The following CXADR variants were observed in gnomAD, a reference collection of about 807,000 sequenced individuals.
CXADR encodes coxsackievirus and adenovirus receptor.
CXADR carries 20 observed loss-of-function variants against 40.3 expected under a neutral mutation model. That is an observed-to-expected ratio of 0.50 (90% CI 0.35 to 0.72). The LOEUF (loss-of-function observed/expected upper bound fraction) is 0.72. Among genes scored for constraint, CXADR ranks in the 30% least tolerant of loss-of-function variants. CXADR has a pLI of 0.01. For missense variants in CXADR, 332 were observed against 449.1 expected (o/e 0.74, Z 2.36); for synonymous variants, 150 against 161.3 (o/e 0.93, Z 0.53).
At chr21:17,516,952 GAA>G (rs145427962) in intron 1 of CXADR, among the ~76,000 whole-genome samples, 1 of 150,886 alleles carries the variant, frequency 6.6e-6, no homozygotes, top group Non-Finnish European at 1.5e-5. Flanking sequence ...ATGAAAAATA[GAA>G]AAAAAACAGA....
the CXADR span, among the ~76,000 whole-genome samples, chr21:17,601,658 A>G: frequency 6.6e-6 from 1 of 152,236 alleles, no homozygotes; most frequent in Non-Finnish European, 1.5e-5. Context: ...TGTCCCCTCC[A>G]CAGTTGGAAG....
chr21:17,535,944 G>T (rs1199057624), intron 1 of CXADR, among the ~76,000 whole-genome samples: 1 of 152,170 alleles, frequency 6.6e-6, no homozygotes, highest in African/African-American at 2.4e-5. Context: ...GCAGGTGGAG[G>T]CTGCAGTGAG....
downstream of CXADR, among the ~76,000 whole-genome samples, chr21:17,595,514 A>G (rs796101851): frequency 3.9e-5 from 6 of 152,126 alleles, no homozygotes; most frequent in East Asian, 1.9e-4. Flanking sequence ...TTAAAAATAT[A>G]TATGTATACT....
At chr21:17,634,995 C>T in the CXADR span, among the ~76,000 whole-genome samples, 5 of 152,228 alleles carry the variant, frequency 3.3e-5, no homozygotes, top group Non-Finnish European at 7.4e-5. Context: ...GGACATAATC[C>T]CATGGTACTG....
rs999092635 is a variant in CXADR at position 17,566,591 on chromosome 21, G to A, written c.*899G>A. 1 of 981,512 alleles carries A rather than the reference G, an allele frequency of 1.0e-6. No individual in the cohort carries two copies. Among genetic ancestry groups the A allele is most frequent in the Non-Finnish European group, 1.2e-6 (1 of 826,554 alleles). The allele number at this position is 981,512 out of a possible 1,614,324, so 60.8% of individuals were successfully genotyped here. A position where few individuals can be genotyped will look rare whatever the true frequency, so the allele number is the denominator to read the frequency against. ...AGAAAAATATTATAACTCATTTGTT[G>A]TTTGACACTTATAGATTGAAATTTC... On this transcript the variant is annotated 3_prime_UTR_variant, in exon 7 of 7. Coordinates refer to ENST00000284878, the MANE Select transcript of CXADR (RefSeq NM_001338.5).
intron 1 of CXADR, among the ~76,000 whole-genome samples, chr21:17,545,998 C>T (rs9974774): frequency 1.3e-5 from 2 of 152,124 alleles, no homozygotes; most frequent in Admixed American, 6.5e-5. Context: ...AGGCTGGTCT[C>T]GAACTCCTGA....
intron 1 of CXADR, among the ~76,000 whole-genome samples, chr21:17,545,072 GTTTTT>G (rs869189508): frequency 0.23 from 12,688 of 55,828 alleles, 714 homozygotes; most frequent in East Asian, 0.32. Flanking sequence ...GCTCTAATGT[GTTTTT>G]TTTTTTTTTT....
Position 17,568,755 on chromosome 21 carries a change from A to C in CXADR, c.*3063A>C, listed in dbSNP as rs1431789006. 2.0e-6 allele frequency: 2 copies of C among 985,120 alleles called. No homozygotes were observed. The highest frequency in any genetic ancestry group is 2.4e-6 in the Non-Finnish European group (2 of 829,910). 61.0% of individuals were successfully genotyped at this position (985,120 alleles called of 1,614,324 possible). A position where few individuals can be genotyped will look rare whatever the true frequency, so the allele number is the denominator to read the frequency against. ...TTTTTTCTTACTGGTAATCTTAACT[A>C]ATATGATTCCCTTGTTAGAGAGCCT... On this transcript the variant is annotated 3_prime_UTR_variant, in exon 7 of 7. Transcript: ENST00000284878.
At chr21:17,615,066 A>C in the CXADR span, among the ~76,000 whole-genome samples, 1 of 152,090 alleles carries the variant, frequency 6.6e-6, no homozygotes, top group African/African-American at 2.4e-5. Flanking sequence ...TAAATCCCCA[A>C]TGTGATGGTA....
chr21:17,585,491 A>G (rs576116234), intron 7 of CXADR, among the ~76,000 whole-genome samples: 8 of 152,084 alleles, frequency 5.3e-5, no homozygotes, highest in South Asian at 2.1e-4. Context: ...TTCGATTCCA[A>G]TGATCTGTCT....
intron 2 of CXADR, 102 bp downstream of exon 2, chr21:17,547,295 A>G: frequency 1.3e-6 from 2 of 1,509,804 alleles, no homozygotes; most frequent in Non-Finnish European, 1.8e-6. Context: ...GGAGCTAGGA[A>G]GGAAGCCCCC....
downstream of CXADR, among the ~76,000 whole-genome samples, chr21:17,596,908 A>G (rs1431318420): frequency 6.6e-6 from 1 of 152,086 alleles, no homozygotes; most frequent in East Asian, 1.9e-4. Context: ...CTTTTAGAAA[A>G]CAGTAGAGAA....
At chr21:17,533,927 C>A (rs1320779355) in intron 1 of CXADR, among the ~76,000 whole-genome samples, 1 of 149,598 alleles carries the variant, frequency 6.7e-6, no homozygotes, top group African/African-American at 2.5e-5. Context: ...GAGTAACACT[C>A]GTGGGAATTA....
At chr21:17,631,499 G>A in the CXADR span, among the ~76,000 whole-genome samples, 2 of 152,152 alleles carry the variant, frequency 1.3e-5, no homozygotes, top group South Asian at 4.1e-4. Context: ...ACTCACAGAT[G>A]TCAACTTGTA....
downstream of CXADR, chr21:17,593,997 CT>C: frequency 2.1e-6 from 3 of 1,428,346 alleles, no homozygotes; most frequent in Non-Finnish European, 2.8e-6. Flanking sequence ...GCCCATCTAA[CT>C]TCACTACTAT....
intron 2 of CXADR, among the ~76,000 whole-genome samples, chr21:17,551,333 G>A (rs892656911): frequency 7.3e-5 from 11 of 151,390 alleles, no homozygotes; most frequent in South Asian, 4.2e-4. Flanking sequence ...CCGGGAGGTG[G>A]AGGGAGCCGA....
intron 1 of CXADR, among the ~76,000 whole-genome samples, chr21:17,529,612 C>T (rs530122332): frequency 6.6e-6 from 1 of 152,318 alleles, no homozygotes; most frequent in South Asian, 2.1e-4. Context: ...TGAGCCACTG[C>T]GCCCGGCCGC....
the CXADR span, among the ~76,000 whole-genome samples, chr21:17,607,449 G>A: frequency 2.0e-5 from 3 of 152,192 alleles, no homozygotes; most frequent in Admixed American, 6.5e-5. Flanking sequence ...CTGTGTTAGC[G>A]TGCACATTTC....
intron 7 of CXADR, among the ~76,000 whole-genome samples, chr21:17,585,548 T>C (rs1215110561): frequency 6.6e-6 from 1 of 152,166 alleles, no homozygotes; most frequent in African/African-American, 2.4e-5. Context: ...AGACCGAGTC[T>C]CGCTCTGTCG....
Sources: allele counts gnomAD v4.1 joint callset (sites outside exome capture counted in the v4.1 genomes callset), GRCh38; gene constraint gnomAD v4.1.1; transcripts MANE v1.5; gene names NCBI Gene and HGNC (gene_info 2026-07-23, HGNC 2026-07-21).